SASS6: variants seen among roughly 807,000 people sequenced by gnomAD.
The protein encoded by SASS6 is SAS-6 centriolar assembly protein, also known as spindle assembly abnormal protein 6 homolog.
A neutral mutation model predicts 94.9 loss-of-function variants in SASS6; 59 were observed. The ratio of observed to expected loss-of-function variants is 0.62; its 90% CI spans 0.50 to 0.77. The LOEUF (loss-of-function observed/expected upper bound fraction) is 0.77. SASS6 is among the 30% of genes least tolerant of loss of function. The probability of loss-of-function intolerance (pLI) is 0.00; values close to 1 mark genes in which losing one functional copy is unlikely to be tolerated. For synonymous variants in SASS6, 264 were observed against 270.0 expected, an observed-to-expected ratio of 0.98 and a Z score of 0.22; for missense variants, 698 against 734.1, an observed-to-expected ratio of 0.95 and a Z score of 0.57.
chr1:100,115,761 AGTGAGC>A (rs542385515), intron 7 of SASS6, among the ~76,000 whole-genome samples: 334 of 152,318 alleles, frequency 2.2e-3, no homozygotes, highest in Middle Eastern at 0.01. Context: ...TTGAGGCTGT[AGTGAGC>A]CATGATCGTG....
At chr1:100,118,231 C>T (rs1244495677) in intron 7 of SASS6, among the ~76,000 whole-genome samples, 2 of 152,092 alleles carry the variant, frequency 1.3e-5, no homozygotes, top group Admixed American at 6.5e-5. Context: ...AGGAGAATTG[C>T]TTGAACCCGG....
chr1:100,120,325 C>G, intron 6 of SASS6, 69 bp downstream of exon 6: 1 of 748,954 alleles, frequency 1.3e-6, no homozygotes, highest in Non-Finnish European at 2.4e-6. Context: ...AAGCTTGGAA[C>G]TGAGTCAAGG....
chr1:100,113,926 T>C (rs1363664407), intron 7 of SASS6, among the ~76,000 whole-genome samples: 2 of 151,998 alleles, frequency 1.3e-5, no homozygotes, highest in Non-Finnish European at 2.9e-5. Context: ...CTAGAGGAGC[T>C]GAGGCAGGAG....
chr1:100,117,452 A>G (rs765579425), intron 7 of SASS6, among the ~76,000 whole-genome samples: 7 of 151,992 alleles, frequency 4.6e-5, no homozygotes, highest in Non-Finnish European at 7.4e-5. Context: ...GGAGTTCAAG[A>G]CCAGCCTGAC....
chr1:100,100,944 C>A (rs1225226147), intron 14 of SASS6, among the ~76,000 whole-genome samples: 5 of 152,148 alleles, frequency 3.3e-5, no homozygotes. Flanking sequence ...CTTTCATTTA[C>A]ATCCATTTTT....
chr1:100,113,160 A>G (rs1653485080), intron 7 of SASS6, among the ~76,000 whole-genome samples: 1 of 152,218 alleles, frequency 6.6e-6, no homozygotes, highest in Non-Finnish European at 1.5e-5. Context: ...TAGAGATTGA[A>G]AAACTACTTA....
Position 100,122,429 on chromosome 1 carries a change from T to A in SASS6, c.262A>T (p.Ile88Leu). 6.3e-7 allele frequency: 1 copy of A among 1,590,810 alleles called. No homozygotes were observed. Among genetic ancestry groups the A allele is most frequent in the East Asian group, 2.2e-5 (1 of 44,546 alleles). ...VDFLAFPQKF[I>L]DLLQQCTQEH... is the part of the protein sequence containing the mutation. ...TGAGTACATTGCTGAAGGAGATCTATAAATTTTTGTGGGAAAGCTAAGAAG... is the reference window on the plus strand; with the variant it reads ...TGAGTACATTGCTGAAGGAGATCTAAAAATTTTTGTGGGAAAGCTAAGAAG... Residue 88 changes from isoleucine (I) to leucine (L), a missense_variant, in exon 4 of 17, where the codon ATA becomes TTA. Ile to Leu is a conservative substitution (Grantham distance 5). Transcript: ENST00000287482.
At chr1:100,110,746 T>C (rs926247141) in intron 7 of SASS6, among the ~76,000 whole-genome samples, 30 of 152,068 alleles carry the variant, frequency 2.0e-4, no homozygotes, top group Middle Eastern at 3.4e-3. Context: ...TAAATCCATA[T>C]ATGTTTAGGT....
chr1:100,107,305 A>T, intron 11 of SASS6, 69 bp downstream of exon 11: 1 of 968,904 alleles, frequency 1.0e-6, no homozygotes, highest in South Asian at 1.5e-5. Context: ...TTGTTAATGT[A>T]ACAAAGCATA....
chr1:100,085,097 G>T lies in SASS6; in HGVS notation c.*231C>A. The stretch of plus-strand genomic sequence containing the variant: ...TAAAATTCATATTATTCTATAAAAC[G>T]CCATGTTCACAAACCAAAAAATGTC... On this transcript the variant is annotated 3_prime_UTR_variant, in exon 17 of 17. Transcript: ENST00000287482. The T allele has an allele frequency of 2.2e-6, 1 of 449,130 alleles. No individual in the cohort carries two copies. Among genetic ancestry groups the T allele is most frequent in the Non-Finnish European group, 4.0e-6 (1 of 250,364 alleles). 27.8% of individuals were successfully genotyped at this position (449,130 alleles called of 1,614,324 possible).
intron 13 of SASS6, among the ~76,000 whole-genome samples, chr1:100,103,757 A>G (rs534792375): frequency 1.3e-5 from 2 of 152,202 alleles, no homozygotes; most frequent in East Asian, 3.9e-4. Flanking sequence ...CCCTTCTCCA[A>G]TTTAACAGCA....
chr1:100,103,169 T>C (rs1652628371), intron 13 of SASS6, 86 bp from the exon 14 acceptor site: 1 of 765,320 alleles, frequency 1.3e-6, no homozygotes, highest in Non-Finnish European at 2.1e-6. Context: ...GCATCTGTTA[T>C]AATAACTAAT....
At chr1:100,093,877 A>C (rs906350193) in intron 14 of SASS6, among the ~76,000 whole-genome samples, 1 of 152,228 alleles carries the variant, frequency 6.6e-6, no homozygotes, top group Non-Finnish European at 1.5e-5. Flanking sequence ...TATAGCATTA[A>C]ATGTTTAGAT....
chr1:100,084,631 T>TATAAACATTTAGG lies in SASS6; in HGVS notation c.*684_*696dup, dbSNP rs1651098399. The TATAAACATTTAGG allele has an allele frequency of 6.6e-6, 1 of 152,038 alleles. No homozygotes were observed. The highest frequency in any genetic ancestry group is 1.5e-5 in the Non-Finnish European group (1 of 67,944). The allele number at this position is 152,038 out of a possible 1,614,324, so 9.4% of individuals were successfully genotyped here. On this transcript the variant is annotated 3_prime_UTR_variant, in exon 17 of 17. Transcript: ENST00000287482. ...TACAAATTGAGAAAAACTAGATGAGTATAAACATTTAGGAAGCACTGAAGT... is the reference window on the plus strand; with the variant it reads ...TACAAATTGAGAAAAACTAGATGAGTATAAACATTTAGGATAAACATTTAGGAAGCACTGAAGT...
chr1:100,118,621 A>T (rs1653951187), intron 7 of SASS6, among the ~76,000 whole-genome samples: 1 of 152,224 alleles, frequency 6.6e-6, no homozygotes, highest in Admixed American at 6.5e-5. Flanking sequence ...GTCACTAAAA[A>T]GGAATATCTT....
intron 14 of SASS6, among the ~76,000 whole-genome samples, chr1:100,088,919 A>C (rs1277070267): frequency 6.6e-6 from 1 of 152,122 alleles, no homozygotes; most frequent in Non-Finnish European, 1.5e-5. Flanking sequence ...TGCTCCACTT[A>C]TCAAAAATTA....
At chr1:100,126,567 CAA>C (rs1431387608) in intron 1 of SASS6, among the ~76,000 whole-genome samples, 1 of 152,116 alleles carries the variant, frequency 6.6e-6, no homozygotes, top group Non-Finnish European at 1.5e-5. Flanking sequence ...CACTTGAGGT[CAA>C]GAGTTGGAGA....
chr1:100,109,998 C>T (rs565481450), intron 8 of SASS6, among the ~76,000 whole-genome samples: 3 of 152,020 alleles, frequency 2.0e-5, no homozygotes, highest in African/African-American at 7.2e-5. Flanking sequence ...ACACAGTACC[C>T]TATGAAATAC....
chr1:100,121,670 G>A (rs182986835), intron 4 of SASS6, 121 bp from the exon 5 acceptor site: 4 of 583,636 alleles, frequency 6.9e-6, no homozygotes, highest in East Asian at 6.6e-5. Context: ...ACTCCCAATG[G>A]TAAAAGATAA....
Sources: gnomAD v4.1 joint callset for allele counts (sites outside exome capture counted in the v4.1 genomes callset) on GRCh38, gnomAD v4.1.1 for gene constraint, MANE v1.5 for transcripts, NCBI Gene and HGNC (gene_info 2026-07-23, HGNC 2026-07-21) for gene names.